Variants in DNAJC12 observed in about 807,000 individuals in gnomAD.
DNAJC12 encodes DnaJ heat shock protein family (Hsp40) member C12, also known as dnaJ homolog subfamily C member 12.
DNAJC12 carries 25 observed loss-of-function variants against 28.5 expected under a neutral mutation model. The observed-to-expected ratio is 0.88, with a 90% CI of 0.64 to 1.22. The LOEUF (loss-of-function observed/expected upper bound fraction) is 1.22. Among genes scored for constraint, DNAJC12 ranks in the 50% most tolerant of loss-of-function variants. DNAJC12 has a pLI of 0.00. For synonymous variants in DNAJC12, 77 were observed against 80.6 expected (o/e 0.95, Z 0.24); for missense variants, 222 against 231.7 (o/e 0.96, Z 0.27).
rs1399118035 is a variant in DNAJC12, at chr10:67,826,800, A to T, written c.79-3408T>A. Among the ~76,000 whole-genome samples the T allele has an allele frequency of 9.5e-5, 12 of 126,920 alleles. 3 individuals are homozygous for T. Among genetic ancestry groups the T allele is most frequent in the Non-Finnish European group, 1.8e-4 (11 of 62,128 alleles). 83.3% of individuals were successfully genotyped at this position (126,920 alleles called of 152,430 possible). ...TATAATATATATCATTAGATATCAG[A>T]TATATAATGATATATATAATATATA... is the stretch of plus-strand genomic sequence containing the variant. On this transcript the variant is annotated intron_variant, in intron 1 of 4. Transcript: ENST00000225171.
intron 2 of DNAJC12, among the ~76,000 whole-genome samples, chr10:67,814,120 T>C (rs1841890628): frequency 6.6e-6 from 1 of 151,330 alleles, no homozygotes; most frequent in African/African-American, 2.4e-5. Flanking sequence ...ACTACAAAGC[T>C]ACAGTAGTGA....
intron 1 of DNAJC12, among the ~76,000 whole-genome samples, chr10:67,832,014 C>T (rs1842098360): frequency 1.3e-5 from 2 of 152,104 alleles, no homozygotes; most frequent in African/African-American, 4.8e-5. Flanking sequence ...GCCTGTAATC[C>T]CAACACTTTG....
chr10:67,826,989 C>A (rs1024519993), intron 1 of DNAJC12, among the ~76,000 whole-genome samples: 3 of 134,310 alleles, frequency 2.2e-5, no homozygotes, highest in African/African-American at 8.2e-5. Flanking sequence ...ATATATATAT[C>A]TCTTAGGGCT....
Position 67,838,035 on chromosome 10 carries a change from T to C in DNAJC12, c.-24A>G. On this transcript the variant is annotated 5_prime_UTR_variant, in exon 1 of 5. Transcript: ENST00000225171. ...ATTTAGATGACTTAATCAGTCCTTC[T>C]TCCCTCGGAAACAAGAGGCACAGTG... is the stretch of plus-strand genomic sequence containing the variant. 1.3e-6 allele frequency: 2 copies of C among 1,530,938 alleles called. No homozygotes were observed. Among genetic ancestry groups the C allele is most frequent in the Non-Finnish European group, 9.0e-7 (1 of 1,114,868 alleles). 94.8% of individuals were successfully genotyped at this position (1,530,938 alleles called of 1,614,324 possible). A position where few individuals can be genotyped will look rare whatever the true frequency, so the allele number is the denominator to read the frequency against.
chr10:67,837,266 C>T (rs1842149904), intron 1 of DNAJC12, among the ~76,000 whole-genome samples: 1 of 151,888 alleles, frequency 6.6e-6, no homozygotes, highest in Admixed American at 6.6e-5. Flanking sequence ...ATACTGTTAT[C>T]CTTGGGAGAG....
At chr10:67,831,860 C>G (rs953840520) in intron 1 of DNAJC12, among the ~76,000 whole-genome samples, 1 of 152,126 alleles carries the variant, frequency 6.6e-6, no homozygotes, top group Non-Finnish European at 1.5e-5. Context: ...AGATGTTCTT[C>G]AAGTAACATA....
chr10:67,815,964 C>G, intron 2 of DNAJC12: 1 of 397,390 alleles, frequency 2.5e-6, no homozygotes, highest in Non-Finnish European at 4.4e-6. Flanking sequence ...CCACATTTAA[C>G]AAAAGTGAGT....
intron 1 of DNAJC12, among the ~76,000 whole-genome samples, chr10:67,834,872 G>C (rs540584567): frequency 6.6e-6 from 1 of 152,198 alleles, no homozygotes; most frequent in East Asian, 1.9e-4. Flanking sequence ...AAGGCTAACT[G>C]TCTTGGAATC....
intron 1 of DNAJC12, among the ~76,000 whole-genome samples, chr10:67,826,862 AT>A (rs1316674506): frequency 7.3e-6 from 1 of 136,092 alleles, no homozygotes; most frequent in Non-Finnish European, 1.5e-5. Flanking sequence ...TATTATATCT[AT>A]TATATCTATT....
At chr10:67,806,458 C>T (rs984887896) in intron 3 of DNAJC12, among the ~76,000 whole-genome samples, 2 of 152,270 alleles carry the variant, frequency 1.3e-5, no homozygotes, top group Admixed American at 1.3e-4. Flanking sequence ...CTAATCAACC[C>T]CAAGATCCAA....
intron 4 of DNAJC12, among the ~76,000 whole-genome samples, chr10:67,797,853 A>C (rs1013152724): frequency 6.6e-6 from 1 of 152,044 alleles, no homozygotes; most frequent in Non-Finnish European, 1.5e-5. Flanking sequence ...ATCCTGGCTA[A>C]CACGGTGAAA....
At chr10:67,806,766 A>G (rs1841805482) in intron 3 of DNAJC12, among the ~76,000 whole-genome samples, 1 of 151,342 alleles carries the variant, frequency 6.6e-6, no homozygotes, top group Non-Finnish European at 1.5e-5. Flanking sequence ...TGGAGGTTGC[A>G]GTGAGCCGAG....
At chr10:67,830,652 A>C (rs908454647) in intron 1 of DNAJC12, among the ~76,000 whole-genome samples, 3 of 139,806 alleles carry the variant, frequency 2.1e-5, no homozygotes, top group Non-Finnish European at 3.2e-5. Context: ...TAAATAAATA[A>C]ATAAATTTTT....
At chr10:67,824,846 G>A (rs1842013938) in intron 1 of DNAJC12, among the ~76,000 whole-genome samples, 1 of 152,032 alleles carries the variant, frequency 6.6e-6, no homozygotes, top group African/African-American at 2.4e-5. Flanking sequence ...TGATTCTCCT[G>A]CCTCAGCCTC....
intron 2 of DNAJC12, among the ~76,000 whole-genome samples, chr10:67,819,757 A>AGGAGGGAAGGAAGGAAGG (rs1564863506): frequency 1.2e-4 from 2 of 16,098 alleles, no homozygotes; most frequent in African/African-American, 3.8e-4. Flanking sequence ...GAAGGAAGGA[A>AGGAGGGAAGGAAGGAAGG]GGAAGGAAGG....
intron 2 of DNAJC12, among the ~76,000 whole-genome samples, chr10:67,814,987 A>G (rs1160829954): frequency 6.6e-6 from 1 of 152,238 alleles, no homozygotes; most frequent in African/African-American, 2.4e-5. Context: ...TGACCCAACT[A>G]TTATAATCCT....
intron 2 of DNAJC12, among the ~76,000 whole-genome samples, 169 bp from the exon 3 acceptor site, chr10:67,811,832 G>C (rs1841863887): frequency 1.3e-5 from 2 of 152,170 alleles, no homozygotes; most frequent in Non-Finnish European, 2.9e-5. Flanking sequence ...GGACAAGCAA[G>C]ATCATGGATG....
intron 1 of DNAJC12, chr10:67,827,686 CA>C (rs59152300): frequency 0.99 from 141,222 of 142,454 alleles, 70,001 homozygotes; most frequent in East Asian, 1. Context: ...AACTCCATCT[CA>C]AAAAAAAAAA....
chr10:67,835,747 C>CACACATAT (rs111959175), intron 1 of DNAJC12, among the ~76,000 whole-genome samples: 2 of 147,942 alleles, frequency 1.4e-5, no homozygotes, highest in African/African-American at 5.1e-5. Context: ...CACACACACA[C>CACACATAT]ATATATATAA....
Sources: allele counts gnomAD v4.1 joint callset (sites outside exome capture counted in the v4.1 genomes callset), GRCh38; gene constraint gnomAD v4.1.1; transcripts MANE v1.5; gene names NCBI Gene and HGNC (gene_info 2026-07-23, HGNC 2026-07-21).